CNTN5: variants seen among roughly 807,000 people sequenced by gnomAD.
CNTN5 encodes contactin-5.
CNTN5 carries 77 observed loss-of-function variants against 129.1 expected under a neutral mutation model. The ratio of observed to expected loss-of-function variants is 0.60; its 90% CI spans 0.50 to 0.72. The LOEUF (loss-of-function observed/expected upper bound fraction) is 0.72, where lower values mean the gene tolerates loss of function less well. CNTN5 is among the 30% of genes least tolerant of loss of function. The pLI is 0.00. For synonymous variants in CNTN5, 509 were observed against 465.6 expected (o/e 1.09, Z -1.20); for missense variants, 1,478 against 1,328.8 (o/e 1.11, Z -1.75).
chr11:100,048,728 C>A (rs887912076), intron 9 of CNTN5, among the ~76,000 whole-genome samples: 1 of 151,400 alleles, frequency 6.6e-6, no homozygotes, highest in Non-Finnish European at 1.5e-5. Context: ...AGCTACATAA[C>A]GTATATCAAG....
chr11:99,574,050 C>T (rs1341831123), intron 3 of CNTN5, among the ~76,000 whole-genome samples: 1 of 152,094 alleles, frequency 6.6e-6, no homozygotes, highest in African/African-American at 2.4e-5. Flanking sequence ...TGCTATCACT[C>T]CCTATACCCC....
chr11:99,317,715 G>C (rs894501385), intron 1 of CNTN5, among the ~76,000 whole-genome samples: 1 of 151,922 alleles, frequency 6.6e-6, no homozygotes, highest in Non-Finnish European at 1.5e-5. Context: ...TGATTTTAGC[G>C]TTGCTACTGC....
At chr11:99,815,917 C>T (rs544856035) in intron 3 of CNTN5, among the ~76,000 whole-genome samples, 243 of 152,282 alleles carry the variant, frequency 1.6e-3, no homozygotes, top group African/African-American at 3.8e-3. Flanking sequence ...CTTTCAGTTT[C>T]TGCACCTTGC....
chr11:99,484,087 A>G (rs1225349528), intron 2 of CNTN5, among the ~76,000 whole-genome samples: 1 of 152,162 alleles, frequency 6.6e-6, no homozygotes, highest in Non-Finnish European at 1.5e-5. Flanking sequence ...CGTCTACACA[A>G]CAAAGGAAAC....
At chr11:99,861,499 A>AT (rs577820292) in intron 6 of CNTN5, among the ~76,000 whole-genome samples, 5 of 151,734 alleles carry the variant, frequency 3.3e-5, no homozygotes, top group Admixed American at 6.6e-5. Context: ...TTTCATTTGA[A>AT]TTTTTTTTTC....
At chr11:99,470,546 C>G (rs2135272553) in intron 2 of CNTN5, among the ~76,000 whole-genome samples, 1 of 152,158 alleles carries the variant, frequency 6.6e-6, no homozygotes, top group East Asian at 1.9e-4. Context: ...TATACTGGTT[C>G]ATTTTTCAAG....
In CNTN5 at chr11:99,718,445, T is replaced by A. The variant is rs1943058069; in HGVS notation, c.56-101099T>A. Among the ~76,000 whole-genome samples, 7 of 152,092 alleles carry A rather than the reference T, an allele frequency of 4.6e-5. No homozygotes were observed. In the South Asian group the frequency reaches 1.4e-3, roughly 32 times the overall value. On this transcript the variant is annotated intron_variant, in intron 3 of 24. Coordinates refer to ENST00000524871, the MANE Select transcript of CNTN5 (RefSeq NM_014361.4). ...AGAGGGTCTAGGAAAAGTTCCTGAG[T>A]GATTCTGATATATGGCCAATTTGGG...
At chr11:99,269,711 A>G (rs1863085177) in intron 1 of CNTN5, among the ~76,000 whole-genome samples, 2 of 151,968 alleles carry the variant, frequency 1.3e-5, no homozygotes, top group South Asian at 4.1e-4. Flanking sequence ...AATGTACTAT[A>G]AGATAATTGA....
At chr11:99,518,010 A>G (rs943067191) in intron 2 of CNTN5, among the ~76,000 whole-genome samples, 3 of 152,098 alleles carry the variant, frequency 2.0e-5, no homozygotes, top group Non-Finnish European at 4.4e-5. Flanking sequence ...AAGATTAGAC[A>G]TTCACCCATA....
chr11:99,643,207 T>G (rs865993819), intron 3 of CNTN5, among the ~76,000 whole-genome samples: 1 of 148,056 alleles, frequency 6.8e-6, no homozygotes, highest in Non-Finnish European at 1.5e-5. Flanking sequence ...ATCTCAATAA[T>G]GGGGAACTAG....
rs182326984 is a variant in CNTN5, at chr11:99,436,763, G to A, written c.-71+111279G>A. Among the ~76,000 whole-genome samples the A allele has an allele frequency of 3.9e-5, 6 of 152,040 alleles. No individual in the cohort carries two copies. In the East Asian group the frequency reaches 7.7e-4, roughly 20 times the overall value. ...ATCTCCTCACAATAATTCTCATAGC[G>A]GTTCCTTTGATGTCCACACTATTTT... On this transcript the variant is annotated intron_variant, in intron 2 of 24. Transcript: ENST00000524871.
At chr11:99,245,798 G>T (rs1311442449) in intron 1 of CNTN5, among the ~76,000 whole-genome samples, 1 of 152,074 alleles carries the variant, frequency 6.6e-6, no homozygotes, top group African/African-American at 2.4e-5. Flanking sequence ...TTGTTGTAGG[G>T]GATGTACGGG....
chr11:99,844,751 A>G, intron 4 of CNTN5, 101 bp from the exon 5 acceptor site: 1 of 1,177,492 alleles, frequency 8.5e-7, no homozygotes, highest in Non-Finnish European at 1.2e-6. Flanking sequence ...ATTACAAGAA[A>G]AGAGCAAGAA....
intron 2 of CNTN5, among the ~76,000 whole-genome samples, chr11:99,364,177 T>C (rs1591577341): frequency 6.6e-6 from 1 of 151,892 alleles, no homozygotes; most frequent in Non-Finnish European, 1.5e-5. Context: ...TTTTAATTCA[T>C]GTGATAATTG....
chr11:99,940,027 G>C (rs1337678630), intron 7 of CNTN5, among the ~76,000 whole-genome samples: 1 of 152,054 alleles, frequency 6.6e-6, no homozygotes, highest in African/African-American at 2.4e-5. Flanking sequence ...TGATTTTACC[G>C]TCAGGATACA....
At chr11:99,076,366 C>A (rs1485629237) in intron 1 of CNTN5, among the ~76,000 whole-genome samples, 1 of 151,938 alleles carries the variant, frequency 6.6e-6, no homozygotes, top group Non-Finnish European at 1.5e-5. Flanking sequence ...AAAAAAAGTA[C>A]TTTACTTTTG....
At chr11:100,064,906 A>C (rs11826948) in intron 10 of CNTN5, among the ~76,000 whole-genome samples, 1 of 152,068 alleles carries the variant, frequency 6.6e-6, no homozygotes, top group Non-Finnish European at 1.5e-5. Context: ...TTTTATAAGG[A>C]GTTCTCAAAA....
At chr11:99,587,250 T>G (rs1280601640) in intron 3 of CNTN5, among the ~76,000 whole-genome samples, 1 of 152,114 alleles carries the variant, frequency 6.6e-6, no homozygotes, top group Admixed American at 6.5e-5. Flanking sequence ...CTGCACAGGA[T>G]CTCCTCATAG....
intron 3 of CNTN5, among the ~76,000 whole-genome samples, chr11:99,784,564 T>C (rs567460703): frequency 6.6e-6 from 1 of 152,182 alleles, no homozygotes. Context: ...AGTAAAATAA[T>C]TTTTAATCCT....
Sources: allele counts gnomAD v4.1 joint callset (sites outside exome capture counted in the v4.1 genomes callset), GRCh38; gene constraint gnomAD v4.1.1; transcripts MANE v1.5; gene names NCBI Gene and HGNC (gene_info 2026-07-23, HGNC 2026-07-21).